Variants in SEMA3E observed in about 807,000 individuals in gnomAD.
SEMA3E encodes semaphorin 3E, also known as semaphorin-3E.
A neutral mutation model predicts 93.6 loss-of-function variants in SEMA3E; 49 were observed. That is an observed-to-expected ratio of 0.52 (90% CI 0.42 to 0.66). The LOEUF is 0.66. Ranked by LOEUF, SEMA3E falls within the 30% of genes least tolerant of loss-of-function variation. SEMA3E has a pLI of 0.00. For synonymous variants in SEMA3E, 363 were observed against 330.7 expected, an observed-to-expected ratio of 1.10 and a Z score of -1.06; for missense variants, 906 against 964.8, an observed-to-expected ratio of 0.94 and a Z score of 0.81.
In SEMA3E at chr7:83,365,300, A is replaced by G. The variant is rs1358781752; in HGVS notation, c.*2286T>C. 1 of 152,146 alleles carries G rather than the reference A, an allele frequency of 6.6e-6. No individual in the cohort carries two copies. Among genetic ancestry groups the G allele is most frequent in the Non-Finnish European group, 1.5e-5 (1 of 68,024 alleles). 9.4% of individuals were successfully genotyped at this position (152,146 alleles called of 1,614,324 possible). On this transcript the variant is annotated 3_prime_UTR_variant, in exon 17 of 17. Coordinates refer to ENST00000643230, the MANE Select transcript of SEMA3E (RefSeq NM_012431.3). ...TCAGTACTGCCATAAACAGGCGGGA[A>G]GCAAGATTATATACATATATATGTA... is the stretch of plus-strand genomic sequence containing the variant.
At chr7:83,527,924 A>G (rs1348393531) in intron 1 of SEMA3E, among the ~76,000 whole-genome samples, 2 of 152,126 alleles carry the variant, frequency 1.3e-5, no homozygotes, top group African/African-American at 4.8e-5. Context: ...ATCTAAGGTT[A>G]AGAAAACCAA....
intron 2 of SEMA3E, among the ~76,000 whole-genome samples, chr7:83,480,495 A>G (rs1384387040): frequency 2.6e-5 from 4 of 152,122 alleles, no homozygotes; most frequent in African/African-American, 4.8e-5. Flanking sequence ...TGTTTTTTCT[A>G]TACTTTTTTT....
intron 3 of SEMA3E, among the ~76,000 whole-genome samples, chr7:83,467,126 G>A (rs1157507237): frequency 1.5e-5 from 2 of 137,560 alleles, no homozygotes; most frequent in Non-Finnish European, 3.0e-5. Flanking sequence ...ACACAGTGGT[G>A]TAATTTCAGC....
At chr7:83,405,579 A>G in intron 8 of SEMA3E, 60 bp from the exon 9 acceptor site, 1 of 1,372,796 alleles carries the variant, frequency 7.3e-7, no homozygotes, top group African/African-American at 1.4e-5. Context: ...CATGCAAAGA[A>G]AATTTATTCA....
Position 83,535,382 on chromosome 7 carries a change from G to C in SEMA3E, c.116-45108C>G, listed in dbSNP as rs73184540. On this transcript the variant is annotated intron_variant, in intron 1 of 16. Coordinates refer to ENST00000643230, the MANE Select transcript of SEMA3E (RefSeq NM_012431.3). Reference sequence around the variant, plus strand: ...AACCCATGCAATTAAACATGACCAAGAGACCAGTTTTAAAAAGTTACTTTT... The same window carrying C: ...AACCCATGCAATTAAACATGACCAACAGACCAGTTTTAAAAAGTTACTTTT... 7.3e-3 allele frequency among the ~76,000 whole-genome samples: 1,027 copies of C among 139,900 alleles called. 6 individuals carry two copies. Among genetic ancestry groups the C allele is most frequent in the Middle Eastern group, 0.011 (3 of 266 alleles). 91.8% of individuals were successfully genotyped at this position (139,900 alleles called of 152,430 possible). A position where few individuals can be genotyped will look rare whatever the true frequency, so the allele number is the denominator to read the frequency against.
At chr7:83,400,875 G>A (rs550382160) in intron 10 of SEMA3E, among the ~76,000 whole-genome samples, 7 of 152,146 alleles carry the variant, frequency 4.6e-5, no homozygotes, top group South Asian at 4.1e-4. Flanking sequence ...AAATCTCTTC[G>A]TTGTGTTGAA....
chr7:83,516,893 A>C (rs1770587637), intron 1 of SEMA3E, among the ~76,000 whole-genome samples: 1 of 151,200 alleles, frequency 6.6e-6, no homozygotes, highest in African/African-American at 2.4e-5. Context: ...AACAGTAATA[A>C]TGTACACTCA....
chr7:83,411,906 A>C (rs1788445998), intron 5 of SEMA3E, among the ~76,000 whole-genome samples: 1 of 152,154 alleles, frequency 6.6e-6, no homozygotes, highest in African/African-American at 2.4e-5. Context: ...GAGTTTAACA[A>C]CTTCTCACAC....
In SEMA3E at chr7:83,406,701, G is replaced by A. The variant is rs1193874253; in HGVS notation, c.813+396C>T. Among the ~76,000 whole-genome samples, 9 of 152,140 alleles carry A rather than the reference G, an allele frequency of 5.9e-5. No individual in the cohort carries two copies. In the South Asian group the frequency reaches 1.7e-3, roughly 28 times the overall value. ...CTCTCTAAATATTCAGTAAGTTACA[G>A]ATGGCTTTTTTAAAAATAATTTTAA... is the stretch of plus-strand genomic sequence containing the variant. On this transcript the variant is annotated intron_variant, in intron 7 of 16. Transcript: ENST00000643230.
At chr7:83,388,505 A>T (rs1211609479) in intron 14 of SEMA3E, among the ~76,000 whole-genome samples, 1 of 151,914 alleles carries the variant, frequency 6.6e-6, no homozygotes, top group African/African-American at 2.4e-5. Context: ...AAATAGAAGT[A>T]TTACATAAAG....
rs1288666973 is a variant in SEMA3E at position 83,572,730 on chromosome 7, CA to C, written c.115+75697del. On this transcript the variant is annotated intron_variant, in intron 1 of 16. Coordinates refer to ENST00000643230, the MANE Select transcript of SEMA3E (RefSeq NM_012431.3). ...ACCCAGAAAAAATGCTGAACAGCTA[CA>C]ACCATCTGGTCTTTGACAAAGTTGA... 1.3e-4 allele frequency among the ~76,000 whole-genome samples: 20 copies of C among 152,162 alleles called. No individual in the cohort carries two copies. The East Asian group carries it at 2.1e-3, about 16-fold the overall frequency.
rs192262990 is a variant in SEMA3E at position 83,627,519 on chromosome 7, C to T, written c.115+20909G>A. Among the ~76,000 whole-genome samples, 1,152 of 151,748 alleles carry T rather than the reference C, an allele frequency of 7.6e-3. 13 individuals carry two copies. Among genetic ancestry groups the T allele is most frequent in the Middle Eastern group, 0.048 (14 of 294 alleles). The stretch of plus-strand genomic sequence containing the variant: ...GTGCATATATATTTAGGATAGTTAG[C>T]TCTTCTTGTTGCATTGATCCCTTTA... On this transcript the variant is annotated intron_variant, in intron 1 of 16. Transcript: ENST00000643230.
rs184263552 is a variant in SEMA3E, at chr7:83,433,337, A to G, written c.457-14854T>C. Among the ~76,000 whole-genome samples the G allele has an allele frequency of 2.6e-5, 4 of 152,268 alleles. No individual in the cohort carries two copies. The East Asian group carries it at 7.7e-4, about 29-fold the overall frequency. ...GGAACTGAGTGTCTTATTGAGGTTT[A>G]TATTTCATAGCATGTTCCCAGTGAA... On this transcript the variant is annotated intron_variant, in intron 4 of 16. Coordinates refer to ENST00000643230, the MANE Select transcript of SEMA3E (RefSeq NM_012431.3).
At chr7:83,490,318 TA>T (rs1190069133) in intron 1 of SEMA3E, 44 bp from the exon 2 acceptor site, 1 of 1,585,298 alleles carries the variant, frequency 6.3e-7, no homozygotes, top group East Asian at 2.2e-5. Context: ...CGAGAAAATG[TA>T]AATACCTTTA....
At chr7:83,445,413 G>A (rs1409050565) in intron 4 of SEMA3E, among the ~76,000 whole-genome samples, 1 of 152,156 alleles carries the variant, frequency 6.6e-6, no homozygotes, top group East Asian at 1.9e-4. Flanking sequence ...GAAACAAAGA[G>A]ATGTCATCAA....
chr7:83,532,054 TA>T lies in SEMA3E; in HGVS notation c.116-41781del, dbSNP rs1417078551. Among the ~76,000 whole-genome samples the T allele has an allele frequency of 1.1e-4, 17 of 152,188 alleles. No homozygotes were observed. The East Asian group carries it at 3.3e-3, about 29-fold the overall frequency. On this transcript the variant is annotated intron_variant, in intron 1 of 16. Coordinates refer to ENST00000643230, the MANE Select transcript of SEMA3E (RefSeq NM_012431.3). ...TGCATTGCTGACTGTTATTTCTGGG[TA>T]AAACATGTATAAATTAGGGAAACTT... is the stretch of plus-strand genomic sequence containing the variant.
At chr7:83,574,414 G>A (rs931804758) in intron 1 of SEMA3E, among the ~76,000 whole-genome samples, 3 of 150,958 alleles carry the variant, frequency 2.0e-5, no homozygotes, top group African/African-American at 7.3e-5. Context: ...TACACAATGA[G>A]TGAGGCCATA....
chr7:83,581,489 A>C (rs1207947057), intron 1 of SEMA3E, among the ~76,000 whole-genome samples: 1 of 152,042 alleles, frequency 6.6e-6, no homozygotes, highest in Non-Finnish European at 1.5e-5. Flanking sequence ...ATACTTTTTA[A>C]ACATTTTAAT....
chr7:83,449,878 A>G (rs2115815256), intron 4 of SEMA3E, among the ~76,000 whole-genome samples: 1 of 152,216 alleles, frequency 6.6e-6, no homozygotes, highest in Admixed American at 6.5e-5. Flanking sequence ...TTCACTGATT[A>G]TTTTCTGTAT....
Sources: gnomAD v4.1 joint callset for allele counts (sites outside exome capture counted in the v4.1 genomes callset) on GRCh38, gnomAD v4.1.1 for gene constraint, MANE v1.5 for transcripts, NCBI Gene and HGNC (gene_info 2026-07-23, HGNC 2026-07-21) for gene names.